Variants in PALLD observed in about 807,000 individuals in gnomAD.
The protein encoded by PALLD is palladin.
Under a neutral mutation model 123.5 loss-of-function variants are expected in PALLD, and 61 were observed. The observed-to-expected ratio is 0.49, with a 90% CI of 0.40 to 0.61. PALLD has a LOEUF of 0.61. Ranked by LOEUF, PALLD falls within the 20% of genes least tolerant of loss-of-function variation. The probability of loss-of-function intolerance (pLI) is 0.00; values close to 1 mark genes in which losing one functional copy is unlikely to be tolerated. For missense variants in PALLD, 1,273 were observed against 1,377.0 expected (o/e 0.92, Z 1.20); for synonymous variants, 465 against 496.4 (o/e 0.94, Z 0.84).
At chr4:168,850,698 A>AT (rs551919818) in intron 10 of PALLD, among the ~76,000 whole-genome samples, 66 of 151,300 alleles carry the variant, frequency 4.4e-4, no homozygotes, top group Admixed American at 9.2e-4. Flanking sequence ...CACCTGGCTA[A>AT]TTTTTTTATT....
At chr4:168,731,069 C>A (rs116653599) in intron 10 of PALLD, among the ~76,000 whole-genome samples, 302 of 152,286 alleles carry the variant, frequency 2.0e-3, no homozygotes, top group African/African-American at 7.0e-3. Context: ...TCTTCCCCAC[C>A]TTCAGAGGAA....
At chr4:168,783,161 A>G (rs1436819419) in intron 10 of PALLD, among the ~76,000 whole-genome samples, 1 of 151,554 alleles carries the variant, frequency 6.6e-6, no homozygotes, top group Non-Finnish European at 1.5e-5. Flanking sequence ...CCTTTAAGTG[A>G]CTTCCTCCTT....
intron 10 of PALLD, among the ~76,000 whole-genome samples, chr4:168,712,782 C>A (rs1024245941): frequency 6.6e-6 from 1 of 152,120 alleles, no homozygotes; most frequent in Non-Finnish European, 1.5e-5. Context: ...AGGAAAGCCC[C>A]TTCTATTTAC....
chr4:168,850,168 G>T (rs1325698206), intron 10 of PALLD, among the ~76,000 whole-genome samples: 1 of 152,070 alleles, frequency 6.6e-6, no homozygotes, highest in African/African-American at 2.4e-5. Flanking sequence ...AAATGTAAGT[G>T]ATCTGCCAGA....
chr4:168,862,019 C>A (rs1293986025), intron 10 of PALLD, among the ~76,000 whole-genome samples: 1 of 151,946 alleles, frequency 6.6e-6, no homozygotes, highest in East Asian at 1.9e-4. Flanking sequence ...GGTTGGAAAT[C>A]CAATAGGGTT....
At chr4:168,742,499 T>C (rs943893772) in intron 10 of PALLD, among the ~76,000 whole-genome samples, 3 of 152,238 alleles carry the variant, frequency 2.0e-5, no homozygotes, top group Admixed American at 1.3e-4. Flanking sequence ...TTCATTTTCA[T>C]AGAAGTACTT....
intron 10 of PALLD, among the ~76,000 whole-genome samples, chr4:168,771,813 A>G (rs1036592003): frequency 6.6e-6 from 1 of 152,084 alleles, no homozygotes; most frequent in African/African-American, 2.4e-5. Flanking sequence ...TCATTTGTCC[A>G]CAATCCAGGT....
chr4:168,723,672 A>G (rs1786251361), intron 10 of PALLD, among the ~76,000 whole-genome samples: 1 of 152,126 alleles, frequency 6.6e-6, no homozygotes, highest in South Asian at 2.1e-4. Context: ...AGAGCACACT[A>G]CTCTGTACCA....
At chr4:168,668,745 G>T (rs1037806284) in intron 3 of PALLD, among the ~76,000 whole-genome samples, 4 of 152,130 alleles carry the variant, frequency 2.6e-5, no homozygotes, top group Non-Finnish European at 5.9e-5. Flanking sequence ...AATTTTAAGT[G>T]ATTGAATACT....
intron 2 of PALLD, among the ~76,000 whole-genome samples, chr4:168,593,436 C>CAAAAAAAAAAGAAAA (rs1554047269): frequency 0.11 from 11,243 of 102,202 alleles, 481 homozygotes; most frequent in Admixed American, 0.15. Context: ...AGTCACCAGG[C>CAAAAAAAAAAGAAAA]AAAAAAAAAA....
chr4:168,862,562 G>A (rs1007764208), intron 10 of PALLD, among the ~76,000 whole-genome samples: 2 of 152,174 alleles, frequency 1.3e-5, no homozygotes, highest in African/African-American at 2.4e-5. Flanking sequence ...GTTGTTGATT[G>A]CGCTCTCTCA....
chr4:168,891,992 G>A (rs1210771146), intron 11 of PALLD, among the ~76,000 whole-genome samples: 1 of 151,912 alleles, frequency 6.6e-6, no homozygotes, highest in Non-Finnish European at 1.5e-5. Context: ...CTAAACTGTA[G>A]GAAAAAATAA....
intron 10 of PALLD, chr4:168,878,411 G>A (rs1226939267): frequency 6.8e-7 from 1 of 1,465,992 alleles, no homozygotes; most frequent in Non-Finnish European, 9.0e-7. Context: ...AACCGCCGCG[G>A]TCCTCCACTT....
chr4:168,833,456 CAG>C (rs1434829099), intron 10 of PALLD, among the ~76,000 whole-genome samples: 1 of 152,130 alleles, frequency 6.6e-6, no homozygotes, highest in Non-Finnish European at 1.5e-5. Context: ...TGCGTAATCA[CAG>C]AGAAACTAGC....
intron 14 of PALLD, 91 bp downstream of exon 14, chr4:168,898,805 C>G (rs1249938085): frequency 2.4e-6 from 2 of 835,328 alleles, no homozygotes; most frequent in African/African-American, 3.4e-5. Flanking sequence ...GAAAGAGATA[C>G]AAATGATCTT....
At position 168,871,763 on chromosome 4, in the gene PALLD, G is replaced by A. The variant is rs566897966; in HGVS notation, c.1965-19159G>A. 5.9e-5 allele frequency among the ~76,000 whole-genome samples: 9 copies of A among 152,308 alleles called. No individual in the cohort carries two copies. In the East Asian group the frequency reaches 1.3e-3, roughly 23 times the overall value. ...CCCAAAAAGAGGCTGGGACTGAAGC[G>A]CCAGCATTCTGTGTTAGATTCCTCA... is the stretch of plus-strand genomic sequence containing the variant. On this transcript the variant is annotated intron_variant, in intron 10 of 21. Coordinates refer to ENST00000505667, the MANE Select transcript of PALLD (RefSeq NM_001166108.2).
chr4:168,807,465 A>C (rs550280764), intron 10 of PALLD, among the ~76,000 whole-genome samples: 1 of 152,236 alleles, frequency 6.6e-6, no homozygotes, highest in Non-Finnish European at 1.5e-5. Context: ...ACTGGAGTGC[A>C]ATGGCGCGAT....
chr4:168,560,876 CT>C (rs1767794526), intron 2 of PALLD, among the ~76,000 whole-genome samples: 1 of 152,164 alleles, frequency 6.6e-6, no homozygotes, highest in Non-Finnish European at 1.5e-5. Flanking sequence ...ATATTTTATT[CT>C]ATTTTTAAAG....
At chr4:168,577,501 G>T (rs988502365) in intron 2 of PALLD, among the ~76,000 whole-genome samples, 1 of 152,106 alleles carries the variant, frequency 6.6e-6, no homozygotes, top group Non-Finnish European at 1.5e-5. Context: ...TCACAGGATT[G>T]TAACATTTGT....
Sources: allele counts gnomAD v4.1 joint callset (sites outside exome capture counted in the v4.1 genomes callset), GRCh38; gene constraint gnomAD v4.1.1; transcripts MANE v1.5; gene names NCBI Gene and HGNC (gene_info 2026-07-23, HGNC 2026-07-21).